FSTL5: variants seen among roughly 807,000 people sequenced by gnomAD.
FSTL5 encodes the protein follistatin-related protein 5.
FSTL5 carries 62 observed loss-of-function variants against 89.1 expected under a neutral mutation model. The observed-to-expected ratio is 0.70, with a 90% CI of 0.57 to 0.86. FSTL5 has a LOEUF of 0.86. FSTL5 is among the 40% of genes least tolerant of loss of function. The pLI is 0.00. For synonymous variants in FSTL5, 383 were observed against 346.2 expected (o/e 1.11, Z -1.18); for missense variants, 1,057 against 1,001.6 (o/e 1.06, Z -0.75).
intron 4 of FSTL5, among the ~76,000 whole-genome samples, chr4:161,863,901 A>G (rs898398169): frequency 1.3e-5 from 2 of 152,222 alleles, no homozygotes; most frequent in Non-Finnish European, 2.9e-5. Flanking sequence ...ATTTAGAGCC[A>G]TGTCTTCCAA....
At chr4:161,974,805 G>C (rs549862022) in intron 3 of FSTL5, among the ~76,000 whole-genome samples, 57 of 148,492 alleles carry the variant, frequency 3.8e-4, no homozygotes, top group African/African-American at 1.4e-3. Flanking sequence ...TACCATCAGA[G>C]TGAACAGGCA....
At chr4:161,891,116 T>C (rs1224642065) in intron 4 of FSTL5, among the ~76,000 whole-genome samples, 1 of 152,190 alleles carries the variant, frequency 6.6e-6, no homozygotes, top group East Asian at 1.9e-4. Flanking sequence ...ATTATTTGTA[T>C]TTCCAGTTGT....
intron 4 of FSTL5, among the ~76,000 whole-genome samples, chr4:161,817,753 G>C (rs1730371813): frequency 6.6e-6 from 1 of 152,300 alleles, no homozygotes; most frequent in East Asian, 1.9e-4. Flanking sequence ...TGTATTTTCA[G>C]ATTAAAATAT....
chr4:161,628,473 A>C (rs545342880), intron 7 of FSTL5, among the ~76,000 whole-genome samples: 1 of 152,278 alleles, frequency 6.6e-6, no homozygotes, highest in African/African-American at 2.4e-5. Context: ...TTGCAGCTCC[A>C]TTTTTAAAAT....
At chr4:161,840,743 G>A (rs1200125393) in intron 4 of FSTL5, among the ~76,000 whole-genome samples, 1 of 152,104 alleles carries the variant, frequency 6.6e-6, no homozygotes, top group Non-Finnish European at 1.5e-5. Context: ...AGGATGAACT[G>A]GGCAATTGAT....
chr4:161,685,102 T>A (rs1320110868), intron 6 of FSTL5, among the ~76,000 whole-genome samples: 1 of 152,212 alleles, frequency 6.6e-6, no homozygotes, highest in Non-Finnish European at 1.5e-5. Context: ...GTTCCATTGG[T>A]CTTTATGCCT....
intron 1 of FSTL5, among the ~76,000 whole-genome samples, chr4:162,133,014 C>A (rs897287806): frequency 4.0e-4 from 61 of 152,246 alleles, no homozygotes; most frequent in African/African-American, 1.5e-3. Flanking sequence ...GCAATCTCGG[C>A]TCACTGCAAG....
At chr4:161,727,686 CAT>C (rs1739468366) in intron 6 of FSTL5, among the ~76,000 whole-genome samples, 1 of 152,148 alleles carries the variant, frequency 6.6e-6, no homozygotes, top group African/African-American at 2.4e-5. Flanking sequence ...GTGTTGAAAA[CAT>C]AGGCCTTTGT....
At chr4:161,589,406 C>A (rs1033733714) in intron 7 of FSTL5, among the ~76,000 whole-genome samples, 2 of 152,084 alleles carry the variant, frequency 1.3e-5, no homozygotes, top group Non-Finnish European at 1.5e-5. Flanking sequence ...TGGTCTCGAA[C>A]TCCTGACCTC....
At chr4:161,470,046 T>G (rs1733881782) in intron 13 of FSTL5, among the ~76,000 whole-genome samples, 2 of 152,128 alleles carry the variant, frequency 1.3e-5, no homozygotes, top group African/African-American at 4.8e-5. Flanking sequence ...ATGTGGGTTG[T>G]CCTTTTACTT....
At chr4:161,876,358 G>A (rs1315440133) in intron 4 of FSTL5, among the ~76,000 whole-genome samples, 1 of 152,072 alleles carries the variant, frequency 6.6e-6, no homozygotes, top group Non-Finnish European at 1.5e-5. Flanking sequence ...TTATCAATGA[G>A]GAAACATTAA....
intron 7 of FSTL5, among the ~76,000 whole-genome samples, chr4:161,597,608 C>T (rs151194746): frequency 0.049 from 7,426 of 150,732 alleles, 592 homozygotes; most frequent in African/African-American, 0.17. Context: ...TGCACATGTA[C>T]GCTAGAACTT....
chr4:161,766,692 C>T (rs1011895339), intron 5 of FSTL5, among the ~76,000 whole-genome samples: 7 of 152,184 alleles, frequency 4.6e-5, no homozygotes, highest in Non-Finnish European at 2.9e-5. Flanking sequence ...TAAAATTATT[C>T]GTTCAGTAAT....
At chr4:162,033,713 G>C in intron 2 of FSTL5, 55 bp from the exon 3 acceptor site, 1 of 977,490 alleles carries the variant, frequency 1.0e-6, no homozygotes, top group Non-Finnish European at 1.5e-6. Context: ...GTGATCAACT[G>C]TTTCATATAA....
At chr4:161,908,884 A>G (rs1041519670) in intron 4 of FSTL5, among the ~76,000 whole-genome samples, 2 of 152,124 alleles carry the variant, frequency 1.3e-5, no homozygotes, top group African/African-American at 2.4e-5. Flanking sequence ...CATCCATACC[A>G]TGTTTTGAAG....
chr4:161,513,128 G>T (rs1282731939), intron 10 of FSTL5, among the ~76,000 whole-genome samples: 1 of 151,796 alleles, frequency 6.6e-6, no homozygotes, highest in Non-Finnish European at 1.5e-5. Context: ...CCAATAAATT[G>T]AATATTTTTA....
intron 1 of FSTL5, among the ~76,000 whole-genome samples, chr4:162,131,195 T>A (rs923991746): frequency 3.3e-5 from 5 of 152,148 alleles, no homozygotes; most frequent in African/African-American, 1.2e-4. Context: ...CAGTCACCCT[T>A]AAATTGAATA....
intron 3 of FSTL5, among the ~76,000 whole-genome samples, chr4:162,031,998 T>C (rs1737547562): frequency 6.6e-6 from 1 of 152,110 alleles, no homozygotes; most frequent in South Asian, 2.1e-4. Context: ...CTGAACCATG[T>C]GCTAGCTAAT....
At chr4:162,046,860 G>T (rs4691808) in intron 2 of FSTL5, among the ~76,000 whole-genome samples, 2 of 151,948 alleles carry the variant, frequency 1.3e-5, no homozygotes, top group Non-Finnish European at 2.9e-5. Context: ...ATAGATTTGG[G>T]TTTCTAATTT....
Sources: allele counts gnomAD v4.1 joint callset (sites outside exome capture counted in the v4.1 genomes callset), GRCh38; gene constraint gnomAD v4.1.1; transcripts MANE v1.5; gene names NCBI Gene and HGNC (gene_info 2026-07-23, HGNC 2026-07-21).